The following ZNF804A variants were observed in gnomAD, a reference collection of about 807,000 sequenced individuals.
The protein encoded by ZNF804A is zinc finger protein 804A.
In ZNF804A, 2 loss-of-function variants were observed where a neutral mutation model predicts 16.5. The observed-to-expected ratio is 0.12, with a 90% CI of 0.05 to 0.38. The LOEUF (loss-of-function observed/expected upper bound fraction) is 0.38. Ranked by LOEUF, ZNF804A falls within the 10% of genes least tolerant of loss-of-function variation. The pLI is 0.99. For synonymous variants in ZNF804A, 534 were observed against 489.6 expected (o/e 1.09, Z -1.20); for missense variants, 1,473 against 1,390.7 (o/e 1.06, Z -0.94).
chr2:184,893,106 A>G (rs866645017), intron 2 of ZNF804A, among the ~76,000 whole-genome samples: 5 of 152,086 alleles, frequency 3.3e-5, no homozygotes, highest in Admixed American at 6.5e-5. Flanking sequence ...TTAATGTTTT[A>G]TTTTCAATTT....
chr2:184,858,752 T>G (rs7577581), intron 1 of ZNF804A, among the ~76,000 whole-genome samples: 48,661 of 152,010 alleles, frequency 0.32, 10,570 homozygotes, highest in African/African-American at 0.62. Flanking sequence ...ACCTACTTTT[T>G]CAGTACTCAC....
intron 2 of ZNF804A, among the ~76,000 whole-genome samples, chr2:184,897,070 T>C (rs898103387): frequency 3.3e-5 from 5 of 152,110 alleles, no homozygotes; most frequent in African/African-American, 9.7e-5. Flanking sequence ...TTAGTAATTG[T>C]TAAGGATATT....
At chr2:184,800,421 T>G (rs1694705679) in intron 1 of ZNF804A, among the ~76,000 whole-genome samples, 1 of 151,768 alleles carries the variant, frequency 6.6e-6, no homozygotes, top group Non-Finnish European at 1.5e-5. Context: ...AATATATACA[T>G]TCAATACTAT....
At chr2:184,851,160 T>C (rs747063308) in intron 1 of ZNF804A, among the ~76,000 whole-genome samples, 1 of 151,862 alleles carries the variant, frequency 6.6e-6, no homozygotes, top group Non-Finnish European at 1.5e-5. Flanking sequence ...AATATATGCA[T>C]TACCTCATAT....
chr2:184,744,464 G>T (rs1000244358), intron 1 of ZNF804A, among the ~76,000 whole-genome samples: 29 of 151,856 alleles, frequency 1.9e-4, no homozygotes, highest in African/African-American at 6.8e-4. Context: ...TTATAAAAGA[G>T]GCCCTAGAGA....
intron 1 of ZNF804A, among the ~76,000 whole-genome samples, chr2:184,627,461 T>A (rs1378773035): frequency 1.3e-5 from 2 of 152,180 alleles, no homozygotes; most frequent in Non-Finnish European, 2.9e-5. Flanking sequence ...TTAACTGAAA[T>A]CTTTCTGATT....
In ZNF804A at chr2:184,832,731, A is replaced by G. The variant is rs190160585; in HGVS notation, c.112-33638A>G. Among the ~76,000 whole-genome samples the G allele has an allele frequency of 4.2e-3, 638 of 152,082 alleles. 5 individuals carry two copies. The highest frequency in any genetic ancestry group is 0.015 in the African/African-American group (606 of 41,552). Reference sequence around the variant, plus strand: ...GCTTGATAAATGCTCTTACATATACATAAATGTTATACAATCTATAATTTT... The same window carrying G: ...GCTTGATAAATGCTCTTACATATACGTAAATGTTATACAATCTATAATTTT... On this transcript the variant is annotated intron_variant, in intron 1 of 3. Transcript: ENST00000302277.
chr2:184,760,002 T>C (rs917003010), intron 1 of ZNF804A, among the ~76,000 whole-genome samples: 58 of 152,222 alleles, frequency 3.8e-4, no homozygotes, highest in African/African-American at 1.3e-3. Flanking sequence ...GGTCTCTTCA[T>C]AGGGACGTGA....
At chr2:184,771,483 A>G (rs541934366) in intron 1 of ZNF804A, among the ~76,000 whole-genome samples, 3 of 152,132 alleles carry the variant, frequency 2.0e-5, no homozygotes, top group Admixed American at 2.0e-4. Context: ...GGGGTGGCTC[A>G]TGCCTGTAAT....
At chr2:184,689,975 C>T (rs923631462) in intron 1 of ZNF804A, among the ~76,000 whole-genome samples, 1 of 151,882 alleles carries the variant, frequency 6.6e-6, no homozygotes, top group African/African-American at 2.4e-5. Flanking sequence ...ATACCTTAGA[C>T]TTTTATGGAA....
chr2:184,698,165 T>A (rs12104875), intron 1 of ZNF804A, among the ~76,000 whole-genome samples: 10,916 of 152,086 alleles, frequency 0.072, 1,321 homozygotes, highest in African/African-American at 0.25. Flanking sequence ...CTTTTAGAAG[T>A]GCTAGAACAG....
rs139834633 is a variant in ZNF804A, at chr2:184,685,040, A to T, written c.111+85970A>T. Reference sequence around the variant, plus strand: ...CTCTCAGCTCGTGTAACCAGCCTGGATCCTACACCTGCCAAGATTGAGGGA... The same window carrying T: ...CTCTCAGCTCGTGTAACCAGCCTGGTTCCTACACCTGCCAAGATTGAGGGA... On this transcript the variant is annotated intron_variant, in intron 1 of 3. Transcript: ENST00000302277. Among the ~76,000 whole-genome samples, 1,374 of 152,108 alleles carry T rather than the reference A, an allele frequency of 9.0e-3. 22 individuals are homozygous for T. The highest frequency in any genetic ancestry group is 0.032 in the African/African-American group (1,314 of 41,480).
At chr2:184,671,201 G>C (rs539208806) in intron 1 of ZNF804A, among the ~76,000 whole-genome samples, 16 of 152,246 alleles carry the variant, frequency 1.1e-4, no homozygotes, top group Admixed American at 4.6e-4. Flanking sequence ...GAGCCCAGTT[G>C]CTTTTACTCA....
In ZNF804A at chr2:184,688,076, A is replaced by G. The variant is rs575853585; in HGVS notation, c.111+89006A>G. 6.0e-4 allele frequency among the ~76,000 whole-genome samples: 91 copies of G among 152,256 alleles called. 1 individual carries two copies. The South Asian group carries it at 0.019, about 31-fold the overall frequency. ...AGAGGTTGCAGTGAGCCGAAATCGT[A>G]CCACTGCACTGCAGCCTGGGTGACA... On this transcript the variant is annotated intron_variant, in intron 1 of 3. Transcript: ENST00000302277.
At chr2:184,676,917 A>T (rs1692445758) in intron 1 of ZNF804A, among the ~76,000 whole-genome samples, 1 of 151,844 alleles carries the variant, frequency 6.6e-6, no homozygotes, top group Non-Finnish European at 1.5e-5. Flanking sequence ...GGTTCAACAT[A>T]AATAAATTTT....
chr2:184,734,622 A>G (rs1693579754), intron 1 of ZNF804A, among the ~76,000 whole-genome samples: 1 of 152,216 alleles, frequency 6.6e-6, no homozygotes, highest in African/African-American at 2.4e-5. Context: ...CATGTGAACT[A>G]GAAAAGAATT....
At chr2:184,622,616 G>A (rs537135881) in intron 1 of ZNF804A, among the ~76,000 whole-genome samples, 1 of 151,722 alleles carries the variant, frequency 6.6e-6, no homozygotes, top group South Asian at 2.1e-4. Flanking sequence ...GCTTTTTGTC[G>A]ATTTCAATAA....
intron 1 of ZNF804A, among the ~76,000 whole-genome samples, chr2:184,663,031 C>G (rs1294768380): frequency 6.6e-6 from 1 of 152,200 alleles, no homozygotes; most frequent in Non-Finnish European, 1.5e-5. Flanking sequence ...GCAGTGGCCC[C>G]TCTGGAGTAG....
At chr2:184,601,879 T>A (rs1691054626) in intron 1 of ZNF804A, among the ~76,000 whole-genome samples, 1 of 151,900 alleles carries the variant, frequency 6.6e-6, no homozygotes, top group South Asian at 2.1e-4. Flanking sequence ...ATTTTTAAAA[T>A]TCAAATTTAG....
Sources: gnomAD v4.1 joint callset for allele counts (sites outside exome capture counted in the v4.1 genomes callset) on GRCh38, gnomAD v4.1.1 for gene constraint, MANE v1.5 for transcripts, NCBI Gene and HGNC (gene_info 2026-07-23, HGNC 2026-07-21) for gene names.